Variants in CDK6 observed in about 807,000 individuals in gnomAD.
CDK6 encodes the protein cyclin dependent kinase 6.
A neutral mutation model predicts 37.1 loss-of-function variants in CDK6; 6 were observed. The ratio of observed to expected loss-of-function variants is 0.16; its 90% CI spans 0.09 to 0.32. The LOEUF (loss-of-function observed/expected upper bound fraction) is 0.32. CDK6 is among the 10% of genes least tolerant of loss of function. CDK6 has a pLI of 1.00. For missense variants in CDK6, 224 were observed against 418.9 expected (o/e 0.53, Z 4.06); for synonymous variants, 160 against 161.3 (o/e 0.99, Z 0.06).
chr7:92,779,982 T>G (rs923428591), intron 2 of CDK6, among the ~76,000 whole-genome samples: 1 of 152,192 alleles, frequency 6.6e-6, no homozygotes, highest in African/African-American at 2.4e-5. Flanking sequence ...TTATTTTTAT[T>G]CTTATTTTTC....
chr7:92,745,700 T>C (rs190315770), intron 3 of CDK6, among the ~76,000 whole-genome samples: 260 of 152,306 alleles, frequency 1.7e-3, no homozygotes, highest in African/African-American at 5.6e-3. Context: ...AAAATAACTT[T>C]CCATGAAAAA....
At chr7:92,760,420 A>C (rs1799425703) in intron 3 of CDK6, among the ~76,000 whole-genome samples, 1 of 152,154 alleles carries the variant, frequency 6.6e-6, no homozygotes, top group Admixed American at 6.6e-5. Context: ...TGTGTTGCCT[A>C]AGAGCAAAGG....
chr7:92,781,226 C>T (rs1799983583), intron 2 of CDK6, among the ~76,000 whole-genome samples: 1 of 152,240 alleles, frequency 6.6e-6, no homozygotes, highest in African/African-American at 2.4e-5. Context: ...GGCCAAGCCC[C>T]TAACTCTCCC....
At chr7:92,644,755 G>A (rs1459962413) in intron 5 of CDK6, among the ~76,000 whole-genome samples, 1 of 152,216 alleles carries the variant, frequency 6.6e-6, no homozygotes, top group Non-Finnish European at 1.5e-5. Context: ...GGACCTTAGA[G>A]GTTTCTTCTA....
chr7:92,622,909 ACTGT>A, intron 6 of CDK6, 123 bp downstream of exon 6: 1 of 644,270 alleles, frequency 1.6e-6, no homozygotes, highest in Non-Finnish European at 2.8e-6. Flanking sequence ...AAATAGTAAC[ACTGT>A]CTGCAGCAGC....
At position 92,611,983 on chromosome 7, in the gene CDK6, G is replaced by A. The variant is rs2116470036; in HGVS notation, c.*3157C>T. On this transcript the variant is annotated 3_prime_UTR_variant, in exon 8 of 8. Transcript: ENST00000424848. ...CCATCCACTTCAAAGGAGGGACAAA[G>A]TGGGAGGCTCCAACCCACTGGGTTC... is the stretch of plus-strand genomic sequence containing the variant. The A allele has an allele frequency of 1.7e-5, 4 of 233,022 alleles. No individual in the cohort carries two copies. Among genetic ancestry groups the A allele is most frequent in the East Asian group, 1.2e-4 (2 of 16,540 alleles). The allele number at this position is 233,022 out of a possible 1,614,324, so 14.4% of individuals were successfully genotyped here.
chr7:92,771,746 G>A (rs189271480), intron 3 of CDK6, among the ~76,000 whole-genome samples: 1 of 152,314 alleles, frequency 6.6e-6, no homozygotes, highest in East Asian at 1.9e-4. Context: ...TACGAGTATA[G>A]TCAGAGAAGC....
intron 2 of CDK6, among the ~76,000 whole-genome samples, chr7:92,823,549 T>C (rs982680675): frequency 6.6e-6 from 1 of 150,682 alleles, no homozygotes; most frequent in African/African-American, 2.4e-5. Context: ...TGATCAGCAC[T>C]GGGAGTCCCT....
At chr7:92,723,002 T>A (rs777044926) in intron 4 of CDK6, among the ~76,000 whole-genome samples, 3 of 152,048 alleles carry the variant, frequency 2.0e-5, no homozygotes, top group Non-Finnish European at 4.4e-5. Context: ...CTGGCCAACA[T>A]GGCAAAACCC....
intron 2 of CDK6, among the ~76,000 whole-genome samples, chr7:92,780,123 C>T (rs922488079): frequency 6.6e-6 from 1 of 152,260 alleles, no homozygotes; most frequent in Non-Finnish European, 1.5e-5. Flanking sequence ...CAGGCATGCA[C>T]CATCATGCCT....
chr7:92,809,476 G>T (rs1317752683), intron 2 of CDK6, among the ~76,000 whole-genome samples: 1 of 152,152 alleles, frequency 6.6e-6, no homozygotes, highest in Non-Finnish European at 1.5e-5. Context: ...GGCCTTACTG[G>T]TCACTAAGCC....
intron 4 of CDK6, among the ~76,000 whole-genome samples, chr7:92,672,190 TACACACACACACACACACACAC>T (rs71107866): frequency 1.1e-4 from 7 of 62,778 alleles, no homozygotes; most frequent in East Asian, 5.9e-4. Flanking sequence ...CACAGACACA[TACACACACACACACACACACAC>T]ACACACACAC....
At chr7:92,716,673 G>A (rs529051508) in intron 4 of CDK6, among the ~76,000 whole-genome samples, 15 of 152,198 alleles carry the variant, frequency 9.9e-5, no homozygotes, top group African/African-American at 3.4e-4. Flanking sequence ...AGCAGCTCAC[G>A]TGTCCAAAGA....
intron 4 of CDK6, among the ~76,000 whole-genome samples, chr7:92,700,459 G>A (rs1045328105): frequency 1.3e-5 from 2 of 152,146 alleles, no homozygotes; most frequent in African/African-American, 4.8e-5. Flanking sequence ...AAATGAAGGA[G>A]AAAGAAAGAT....
chr7:92,796,237 A>G (rs1363655207), intron 2 of CDK6, among the ~76,000 whole-genome samples: 2 of 152,064 alleles, frequency 1.3e-5, no homozygotes, highest in Non-Finnish European at 2.9e-5. Context: ...AGTTATAGAC[A>G]TATGGATATT....
At chr7:92,755,584 C>T (rs909534083) in intron 3 of CDK6, among the ~76,000 whole-genome samples, 4 of 152,168 alleles carry the variant, frequency 2.6e-5, no homozygotes, top group African/African-American at 7.2e-5. Context: ...GAAGAAAATG[C>T]TTTACAAACC....
intron 2 of CDK6, among the ~76,000 whole-genome samples, chr7:92,795,106 A>G (rs919284715): frequency 3.3e-5 from 5 of 152,118 alleles, no homozygotes; most frequent in African/African-American, 4.8e-5. Flanking sequence ...TTATCCTTTT[A>G]CTAAACATAT....
intron 4 of CDK6, among the ~76,000 whole-genome samples, chr7:92,723,490 C>T (rs918988677): frequency 6.6e-6 from 1 of 152,070 alleles, no homozygotes; most frequent in Non-Finnish European, 1.5e-5. Context: ...CCAGTTCAGT[C>T]TAAAAAACTA....
chr7:92,725,832 A>C, intron 3 of CDK6, 39 bp from the exon 4 acceptor site: 1 of 1,577,622 alleles, frequency 6.3e-7, no homozygotes. Flanking sequence ...AAACACTCAA[A>C]ACGGAAGTTG....
Sources: allele counts gnomAD v4.1 joint callset (sites outside exome capture counted in the v4.1 genomes callset), GRCh38; gene constraint gnomAD v4.1.1; transcripts MANE v1.5; gene names NCBI Gene and HGNC (gene_info 2026-07-23, HGNC 2026-07-21).